Variants in SIPA1L1 observed in about 807,000 individuals in gnomAD.
The protein encoded by SIPA1L1 is signal-induced proliferation-associated 1-like protein 1.
SIPA1L1 carries 26 observed loss-of-function variants against 162.7 expected under a neutral mutation model. The ratio of observed to expected loss-of-function variants is 0.16; its 90% CI spans 0.12 to 0.22. SIPA1L1 has a LOEUF of 0.22. Among genes scored for constraint, SIPA1L1 ranks in the 10% least tolerant of loss-of-function variants. The pLI, the probability that SIPA1L1 is intolerant of heterozygous loss-of-function variation, is 1.00. For synonymous variants in SIPA1L1, 829 were observed against 837.4 expected, an observed-to-expected ratio of 0.99 and a Z score of 0.17; for missense variants, 1,874 against 2,241.0, an observed-to-expected ratio of 0.84 and a Z score of 3.31.
intron 4 of SIPA1L1, among the ~76,000 whole-genome samples, chr14:71,546,845 A>G (rs1377002862): frequency 6.6e-6 from 1 of 152,112 alleles, no homozygotes; most frequent in Admixed American, 6.6e-5. Context: ...TGGACATCTC[A>G]CTTGATCTGG....
At position 71,709,007 on chromosome 14, in the gene SIPA1L1, T is replaced by TA. The variant is rs548440004; in HGVS notation, c.3766-203dup. 1.6e-3 allele frequency among the ~76,000 whole-genome samples: 224 copies of TA among 143,932 alleles called. 2 individuals are homozygous for TA. In the South Asian group the frequency reaches 0.022, roughly 14 times the overall value. The allele number at this position is 143,932 out of a possible 152,430, so 94.4% of individuals were successfully genotyped here. ...ATAAATCAAATAATGAAAAATAGAT[T>TA]AAAAAAAAAAAACACGTTTCTAGTA... On this transcript the variant is annotated intron_variant, in intron 16 of 23. Coordinates refer to ENST00000381232, the MANE Select transcript of SIPA1L1 (RefSeq NM_001386936.1).
At chr14:71,657,674 CTTT>C (rs11320179) in intron 8 of SIPA1L1, among the ~76,000 whole-genome samples, 2 of 144,050 alleles carry the variant, frequency 1.4e-5, no homozygotes. Context: ...AAATTATTGT[CTTT>C]TTTTTTTTTT....
intron 4 of SIPA1L1, among the ~76,000 whole-genome samples, chr14:71,580,114 T>C (rs2033706836): frequency 6.6e-6 from 1 of 152,254 alleles, no homozygotes; most frequent in Admixed American, 6.5e-5. Context: ...GCTTATCTAA[T>C]GTAAATCTGA....
At chr14:71,451,443 G>A (rs1266136046) in intron 2 of SIPA1L1, among the ~76,000 whole-genome samples, 6 of 151,868 alleles carry the variant, frequency 4.0e-5, no homozygotes, top group Non-Finnish European at 5.9e-5. Flanking sequence ...AAACCAGCCT[G>A]GGCCATATAG....
chr14:71,672,159 T>G (rs2044598037), intron 11 of SIPA1L1, among the ~76,000 whole-genome samples, 189 bp from the exon 12 acceptor site: 1 of 152,196 alleles, frequency 6.6e-6, no homozygotes, highest in African/African-American at 2.4e-5. Flanking sequence ...TTGAGCTTTT[T>G]GGATGCAACA....
At chr14:71,658,759 T>C (rs1357922103) in intron 9 of SIPA1L1, among the ~76,000 whole-genome samples, 1 of 152,160 alleles carries the variant, frequency 6.6e-6, no homozygotes, top group Admixed American at 6.5e-5. Flanking sequence ...GCAAAGAACA[T>C]CCATGAGTGG....
chr14:71,724,738 C>A lies in SIPA1L1; in HGVS notation c.4517C>A (p.Ala1506Glu), dbSNP rs1333290233. 6.2e-7 allele frequency: 1 copy of A among 1,614,024 alleles called. No individual in the cohort carries two copies. Among genetic ancestry groups the A allele is most frequent in the Non-Finnish European group, 8.5e-7 (1 of 1,180,006 alleles). The change falls in exon 19 of 24, where the codon GCA (alanine) becomes GAA (glutamate). Residue 1506 changes from alanine to glutamate, a missense_variant. Physicochemically the swap from Ala to Glu is moderately radical, Grantham distance 107. Around this residue, in one of 5 missense-constraint regions of SIPA1L1, gnomAD observed 936 missense variants for 1,051.9 expected, o/e 0.89. Transcript: ENST00000381232. ...CGTGCCTCAACCAGAGACCTCCGGG[C>A]ATCTCCTAAGCCAACCTCCAAGTCC... is the stretch of plus-strand genomic sequence containing the variant. ...RLRASTRDLR[A>E]SPKPTSKSTI...
intron 10 of SIPA1L1, among the ~76,000 whole-genome samples, chr14:71,666,617 G>A (rs2044026337): frequency 6.6e-6 from 1 of 152,134 alleles, no homozygotes; most frequent in African/African-American, 2.4e-5. Flanking sequence ...GTATGTTTAG[G>A]AAGGTAGAAA....
rs201180795 is a variant in SIPA1L1, at chr14:71,661,435, G to A, written c.2223G>A (p.Val741=). Residue 741 remains valine (V), a synonymous_variant, in exon 10 of 24, where the codon GTG becomes GTA. Transcript: ENST00000381232. The part of the protein sequence containing the change: ...HFQHVFVIVR[V]HNPCSDSVCY... ...AGCACGTTTTCGTCATCGTCAGGGT[G>A]CACAATCCGTGCTCTGACAGTGTCT... The A allele has an allele frequency of 5.0e-6, 8 of 1,613,900 alleles. No homozygotes were observed. Among genetic ancestry groups the A allele is most frequent in the African/African-American group, 1.3e-5 (1 of 74,910 alleles).
chr14:71,359,705 A>G (rs1483632400), intron 2 of SIPA1L1, among the ~76,000 whole-genome samples: 3 of 152,182 alleles, frequency 2.0e-5, no homozygotes, highest in African/African-American at 7.2e-5. Flanking sequence ...ATCAGTTGGT[A>G]TATAAAGAAA....
chr14:71,512,243 G>C (rs932305362), intron 2 of SIPA1L1, among the ~76,000 whole-genome samples: 2 of 152,134 alleles, frequency 1.3e-5, no homozygotes, highest in African/African-American at 4.8e-5. Flanking sequence ...AGGGGTCTGG[G>C]AAGTCACTCT....
At chr14:71,647,821 G>A (rs924265671) in intron 7 of SIPA1L1, among the ~76,000 whole-genome samples, 4 of 152,130 alleles carry the variant, frequency 2.6e-5, no homozygotes, top group Non-Finnish European at 5.9e-5. Flanking sequence ...CTAAGCATTA[G>A]CCACATTCAG....
Position 71,671,519 on chromosome 14 carries a change from G to C in SIPA1L1, c.2656G>C (p.Val886Leu), listed in dbSNP as rs749749375. 55 of 1,614,078 alleles carry C rather than the reference G, an allele frequency of 3.4e-5. No individual in the cohort carries two copies. Among genetic ancestry groups the C allele is most frequent in the African/African-American group, 4.0e-5 (3 of 74,934 alleles). The change falls in exon 11 of 24, where the codon GTG becomes CTG. Residue 886 changes from valine to leucine, a missense_variant. Physicochemically the swap from Val to Leu is conservative, Grantham distance 32. This residue lies in a region of SIPA1L1 where 243 missense variants were observed against 315.0 expected (regional missense o/e 0.77). Transcript: ENST00000381232. ...CLLGISNEFI[V>L]LIEQETKSVV... ...TTTAGGGATCTCCAATGAGTTCATT[G>C]TGCTCATTGAACAGGAAACAAAGAG...
intron 17 of SIPA1L1, among the ~76,000 whole-genome samples, chr14:71,712,805 T>G (rs2082972012): frequency 6.6e-6 from 1 of 152,338 alleles, no homozygotes; most frequent in Middle Eastern, 3.4e-3. Flanking sequence ...CTTCTGTAAC[T>G]GACTGACCTG....
Position 71,738,251 on chromosome 14 carries a change from T to G in SIPA1L1, c.5134T>G (p.Ser1712Ala). ...QMKPYSSSKD[S>A]SPTLASKVDQ... is the part of the protein sequence containing the mutation. ...GTTTCTTGTTCCCAGCAGTAAAGAC[T>G]CCTCTCCCACTCTGGCTTCTAAAGT... is the stretch of plus-strand genomic sequence containing the variant. The change falls in exon 23 of 24, where the codon TCC (serine) becomes GCC (alanine). Residue 1712 changes from serine (S) to alanine (A), a missense_variant. Ser to Ala is a moderately conservative substitution (Grantham distance 99). Coordinates refer to ENST00000381232, the MANE Select transcript of SIPA1L1 (RefSeq NM_001386936.1). The G allele has an allele frequency of 3.8e-6, 6 of 1,596,410 alleles. No homozygotes were observed. Among genetic ancestry groups the G allele is most frequent in the Non-Finnish European group, 5.1e-6 (6 of 1,170,020 alleles).
intron 19 of SIPA1L1, among the ~76,000 whole-genome samples, chr14:71,727,460 A>T (rs2084349283): frequency 6.6e-6 from 1 of 150,408 alleles, no homozygotes; most frequent in Admixed American, 6.6e-5. Flanking sequence ...TTTAAATCAC[A>T]CATGGAACCC....
chr14:71,678,329 T>TA (rs1186665046), intron 12 of SIPA1L1, among the ~76,000 whole-genome samples: 1 of 152,204 alleles, frequency 6.6e-6, no homozygotes. Flanking sequence ...ATACATAATT[T>TA]ATTGAGAGTT....
At chr14:71,474,574 T>C (rs182267714) in intron 2 of SIPA1L1, among the ~76,000 whole-genome samples, 100 of 152,356 alleles carry the variant, frequency 6.6e-4, no homozygotes, top group Non-Finnish European at 1.2e-3. Flanking sequence ...GCCAAAATTA[T>C]AGAATGGGAA....
intron 19 of SIPA1L1, among the ~76,000 whole-genome samples, chr14:71,725,038 A>G (rs1382449051): frequency 6.6e-6 from 1 of 152,180 alleles, no homozygotes; most frequent in African/African-American, 2.4e-5. Context: ...CTCATTAGTC[A>G]TGGTTTCTAT....
Sources: allele counts gnomAD v4.1 joint callset (sites outside exome capture counted in the v4.1 genomes callset), GRCh38; gene constraint gnomAD v4.1.1; regional missense constraint gnomAD v4.1.1; transcripts MANE v1.5; gene names NCBI Gene and HGNC (gene_info 2026-07-23, HGNC 2026-07-21).